The following PPP1R12A variants were observed in gnomAD, a reference collection of about 807,000 sequenced individuals.
PPP1R12A encodes the protein myosin binding subunit.
Under a neutral mutation model 139.6 loss-of-function variants are expected in PPP1R12A, and 19 were observed. The ratio of observed to expected loss-of-function variants is 0.14; its 90% confidence interval spans 0.09 to 0.20. The LOEUF (loss-of-function observed/expected upper bound fraction) is 0.20, where lower values mean the gene tolerates loss of function less well. Ranked by LOEUF, PPP1R12A falls within the 10% of genes least tolerant of loss-of-function variation. The pLI is 1.00. For missense variants in PPP1R12A, 925 were observed against 1,211.5 expected, an observed-to-expected ratio of 0.76 and a Z score of 3.51; for synonymous variants, 427 against 420.6, an observed-to-expected ratio of 1.02 and a Z score of -0.19.
Position 79,837,351 on chromosome 12 carries a change from GATAA to G in PPP1R12A, c.488-4864_488-4861del, listed in dbSNP as rs565653531. 4.2e-4 allele frequency among the ~76,000 whole-genome samples: 64 copies of G among 151,872 alleles called. 1 individual carries two copies. In the South Asian group the frequency reaches 6.9e-3, roughly 16 times the overall value. ...AGATTCAAAAATTAATGTGTCCCTA[GATAA>G]ATAAAGAAAATAATTACAGCTACTG... On this transcript the variant is annotated intron_variant, in intron 3 of 24. Transcript: ENST00000450142.
At chr12:79,922,570 AG>A (rs1278416021) in intron 1 of PPP1R12A, among the ~76,000 whole-genome samples, 1 of 152,188 alleles carries the variant, frequency 6.6e-6, no homozygotes, top group Non-Finnish European at 1.5e-5. Context: ...CATCATTCTC[AG>A]CAAACTAATA....
At chr12:79,801,794 T>G (rs1873216199) in intron 14 of PPP1R12A, among the ~76,000 whole-genome samples, 1 of 152,180 alleles carries the variant, frequency 6.6e-6, no homozygotes, top group South Asian at 2.1e-4. Context: ...TAACTCTTAC[T>G]TATTGCTTAA....
At chr12:79,817,117 A>C (rs1875499602) in intron 9 of PPP1R12A, among the ~76,000 whole-genome samples, 1 of 152,134 alleles carries the variant, frequency 6.6e-6, no homozygotes, top group African/African-American at 2.4e-5. Flanking sequence ...ATATTACAAA[A>C]ATTTTTATCT....
chr12:79,880,779 AT>A (rs1014741879), intron 1 of PPP1R12A, among the ~76,000 whole-genome samples: 1 of 149,892 alleles, frequency 6.7e-6, no homozygotes, highest in South Asian at 2.2e-4. Flanking sequence ...TGGATACTGC[AT>A]TTTTTTGTTT....
intron 15 of PPP1R12A, 85 bp from the exon 16 acceptor site, chr12:79,797,480 C>G (rs1429127971): frequency 7.8e-7 from 1 of 1,274,690 alleles, no homozygotes; most frequent in Non-Finnish European, 1.1e-6. Context: ...ATATTACATA[C>G]AAATGCATTA....
intron 2 of PPP1R12A, among the ~76,000 whole-genome samples, chr12:79,847,025 AAT>A (rs1188156543): frequency 3.9e-5 from 6 of 152,090 alleles, no homozygotes; most frequent in Non-Finnish European, 8.8e-5. Context: ...CTAATTATAA[AAT>A]AGTTTTTTAA....
chr12:79,933,458 G>A (rs1297771037), intron 1 of PPP1R12A, among the ~76,000 whole-genome samples: 1 of 152,068 alleles, frequency 6.6e-6, no homozygotes. Context: ...TCCCAAACAA[G>A]TTTTTACTAC....
At chr12:79,877,139 T>C (rs1457514954) in intron 1 of PPP1R12A, among the ~76,000 whole-genome samples, 1 of 152,214 alleles carries the variant, frequency 6.6e-6, no homozygotes, top group Non-Finnish European at 1.5e-5. Flanking sequence ...GGTGTCTTTA[T>C]ATTTCAAGTG....
intron 1 of PPP1R12A, among the ~76,000 whole-genome samples, chr12:79,902,991 C>T (rs1043973758): frequency 6.6e-6 from 1 of 151,982 alleles, no homozygotes; most frequent in Non-Finnish European, 1.5e-5. Context: ...AAAATTCACA[C>T]GTGTACGTGT....
At chr12:79,892,806 A>G (rs564705710) in intron 1 of PPP1R12A, among the ~76,000 whole-genome samples, 91 of 152,196 alleles carry the variant, frequency 6.0e-4, no homozygotes, top group Non-Finnish European at 1.2e-3. Context: ...GGCAAATGTT[A>G]ATAAATGCTC....
At position 79,873,509 on chromosome 12, in the gene PPP1R12A, A is replaced by C. The variant is rs117241480; in HGVS notation, c.238-571T>G. Among the ~76,000 whole-genome samples the C allele has an allele frequency of 1.8e-3, 280 of 151,558 alleles. 4 individuals carry two copies. In the East Asian group the frequency reaches 0.039, roughly 21 times the overall value. ...GTACTCATAATTTAAAAAAAAAAAAAAAAAAACATTGCTAAGCACAGTGGC... is the reference window on the plus strand; with the variant it reads ...GTACTCATAATTTAAAAAAAAAAAACAAAAAACATTGCTAAGCACAGTGGC... On this transcript the variant is annotated intron_variant, in intron 1 of 24. Transcript: ENST00000450142.
At chr12:79,822,655 T>C (rs192152727) in intron 5 of PPP1R12A, among the ~76,000 whole-genome samples, 21 of 152,322 alleles carry the variant, frequency 1.4e-4, no homozygotes, top group African/African-American at 5.0e-4. Flanking sequence ...AATGGAATCA[T>C]AGAATATATG....
intron 9 of PPP1R12A, among the ~76,000 whole-genome samples, chr12:79,811,028 T>C (rs1348697565): frequency 6.6e-6 from 1 of 152,222 alleles, no homozygotes; most frequent in Non-Finnish European, 1.5e-5. Context: ...GCAACCTCTG[T>C]TATCTTTAGA....
intron 1 of PPP1R12A, among the ~76,000 whole-genome samples, chr12:79,933,615 T>C (rs952605775): frequency 5.9e-5 from 9 of 152,152 alleles, no homozygotes; most frequent in Admixed American, 1.3e-4. Flanking sequence ...GCTAAGAAAA[T>C]AGAAAAAGCC....
intron 2 of PPP1R12A, among the ~76,000 whole-genome samples, chr12:79,872,241 T>C (rs1382399974): frequency 6.6e-6 from 1 of 152,168 alleles, no homozygotes; most frequent in African/African-American, 2.4e-5. Flanking sequence ...AAAAATTATT[T>C]TTCAAGATAT....
At position 79,809,339 on chromosome 12, in the gene PPP1R12A, T is replaced by C. The variant is rs181724120; in HGVS notation, c.1455+456A>G. On this transcript the variant is annotated intron_variant, in intron 10 of 24. Coordinates refer to ENST00000450142, the MANE Select transcript of PPP1R12A (RefSeq NM_002480.3). ...GCAGTATTAATACCACCTCTCAAAA[T>C]AGTTATTAAATTTACTCATTAAGAC... is the stretch of plus-strand genomic sequence containing the variant. 5.3e-5 allele frequency among the ~76,000 whole-genome samples: 8 copies of C among 152,244 alleles called. No homozygotes were observed. In the East Asian group the frequency reaches 1.3e-3, roughly 26 times the overall value.
intron 1 of PPP1R12A, among the ~76,000 whole-genome samples, chr12:79,923,435 G>A (rs1887598455): frequency 6.6e-6 from 1 of 152,136 alleles, no homozygotes; most frequent in South Asian, 2.1e-4. Flanking sequence ...CATTAAAAGG[G>A]AAAATGTATA....
intron 2 of PPP1R12A, among the ~76,000 whole-genome samples, chr12:79,847,255 G>A (rs533176254): frequency 6.6e-6 from 1 of 152,238 alleles, no homozygotes; most frequent in African/African-American, 2.4e-5. Context: ...GAAGTATAAT[G>A]TAACTCTTCC....
In PPP1R12A at chr12:79,824,579, A is replaced by G. The variant is rs145667900; in HGVS notation, c.793-2389T>C. Among the ~76,000 whole-genome samples, 36 of 152,320 alleles carry G rather than the reference A, an allele frequency of 2.4e-4. No homozygotes were observed. In the East Asian group the frequency reaches 5.2e-3, roughly 22 times the overall value. ...ATCAAATTAGAGTAAAATGTGGGCT[A>G]TAAGAATTTCTAATTTCAAAAAAAG... On this transcript the variant is annotated intron_variant, in intron 5 of 24. Coordinates refer to ENST00000450142, the MANE Select transcript of PPP1R12A (RefSeq NM_002480.3).
Sources: gnomAD v4.1 joint callset for allele counts (sites outside exome capture counted in the v4.1 genomes callset) on GRCh38, gnomAD v4.1.1 for gene constraint, MANE v1.5 for transcripts, NCBI Gene and HGNC (gene_info 2026-07-23, HGNC 2026-07-21) for gene names.